The following TMEFF1 variants were observed in gnomAD, a reference collection of about 807,000 sequenced individuals.
TMEFF1 encodes the protein tomoregulin-1.
In TMEFF1, 20 loss-of-function variants were observed where a neutral mutation model predicts 47.5. That is an observed-to-expected ratio of 0.42 (90% confidence interval 0.30 to 0.61). The LOEUF (loss-of-function observed/expected upper bound fraction) is 0.61, where lower values mean the gene tolerates loss of function less well. Among genes scored for constraint, TMEFF1 ranks in the 20% least tolerant of loss-of-function variants. TMEFF1 has a pLI of 0.19. For missense variants in TMEFF1, 411 were observed against 471.1 expected (o/e 0.87, Z 1.18); for synonymous variants, 162 against 166.3 (o/e 0.97, Z 0.20).
chr9:100,570,384 GT>G (rs557554011), intron 8 of TMEFF1, among the ~76,000 whole-genome samples: 90 of 151,734 alleles, frequency 5.9e-4, no homozygotes, highest in African/African-American at 2.1e-3. Flanking sequence ...TGTATCTTAT[GT>G]TTTTTTTCTT....
chr9:100,554,251 G>A (rs1379636403), intron 7 of TMEFF1, among the ~76,000 whole-genome samples: 2 of 152,114 alleles, frequency 1.3e-5, no homozygotes, highest in South Asian at 2.1e-4. Context: ...TTTTAAAAAC[G>A]ATTTTGACAA....
At chr9:100,525,878 A>T (rs1465955084) in intron 5 of TMEFF1, among the ~76,000 whole-genome samples, 2 of 152,118 alleles carry the variant, frequency 1.3e-5, no homozygotes, top group Non-Finnish European at 2.9e-5. Flanking sequence ...TTATTATTAT[A>T]CCACTAGGAT....
intron 7 of TMEFF1, among the ~76,000 whole-genome samples, chr9:100,555,142 CT>C (rs1838892393): frequency 6.6e-6 from 1 of 151,060 alleles, no homozygotes. Context: ...ACCAAGTATA[CT>C]TTTTATATTG....
intron 1 of TMEFF1, among the ~76,000 whole-genome samples, chr9:100,483,725 C>G (rs2118253308): frequency 6.6e-6 from 1 of 152,114 alleles, no homozygotes; most frequent in Non-Finnish European, 1.5e-5. Flanking sequence ...TAAGATTTTA[C>G]CACATTTGCT....
At chr9:100,510,765 G>T (rs1019447050) in intron 3 of TMEFF1, among the ~76,000 whole-genome samples, 5 of 152,110 alleles carry the variant, frequency 3.3e-5, no homozygotes, top group Admixed American at 1.3e-4. Context: ...GTGAGCCATT[G>T]TACCCTGATA....
intron 5 of TMEFF1, among the ~76,000 whole-genome samples, chr9:100,535,317 C>T (rs10989145): frequency 0.044 from 6,666 of 152,210 alleles, 325 homozygotes; most frequent in South Asian, 0.22. Flanking sequence ...GCTTAGTGAA[C>T]GCTTTGTTTT....
intron 1 of TMEFF1, among the ~76,000 whole-genome samples, chr9:100,488,924 A>G (rs1056599016): frequency 1.3e-5 from 2 of 152,204 alleles, no homozygotes; most frequent in African/African-American, 4.8e-5. Flanking sequence ...GATAATTTTC[A>G]TAATGTAAAA....
At chr9:100,495,587 A>G (rs1837636663) in intron 1 of TMEFF1, among the ~76,000 whole-genome samples, 2 of 152,186 alleles carry the variant, frequency 1.3e-5, no homozygotes, top group Admixed American at 1.3e-4. Flanking sequence ...AATTCTTAGC[A>G]TAGTTTTAAG....
intron 3 of TMEFF1, among the ~76,000 whole-genome samples, chr9:100,512,074 TG>T (rs1837978949): frequency 2.0e-5 from 3 of 152,226 alleles, no homozygotes; most frequent in Admixed American, 2.0e-4. Flanking sequence ...CCATGGTGCC[TG>T]GCACATAATA....
chr9:100,497,456 A>G (rs1244716948), intron 1 of TMEFF1, among the ~76,000 whole-genome samples: 1 of 151,004 alleles, frequency 6.6e-6, no homozygotes, highest in Admixed American at 6.7e-5. Context: ...TAACCCACCT[A>G]GATGTGATCT....
chr9:100,510,649 A>T (rs985850549), intron 3 of TMEFF1, among the ~76,000 whole-genome samples: 17 of 150,364 alleles, frequency 1.1e-4, no homozygotes, highest in Non-Finnish European at 2.2e-4. Context: ...TTTTTTTTGT[A>T]TTTTTTGTAG....
At chr9:100,556,598 A>G (rs1032871726) in intron 7 of TMEFF1, among the ~76,000 whole-genome samples, 2 of 152,182 alleles carry the variant, frequency 1.3e-5, no homozygotes, top group African/African-American at 2.4e-5. Flanking sequence ...ATCTGATGGT[A>G]TTAGAATAAA....
At chr9:100,510,264 T>C (rs745876506) in intron 3 of TMEFF1, among the ~76,000 whole-genome samples, 1 of 152,136 alleles carries the variant, frequency 6.6e-6, no homozygotes, top group African/African-American at 2.4e-5. Context: ...ACAGCTGTTA[T>C]ATGCGTGGTT....
At chr9:100,569,729 T>C (rs1023307756) in intron 8 of TMEFF1, among the ~76,000 whole-genome samples, 34 of 152,178 alleles carry the variant, frequency 2.2e-4, no homozygotes, top group African/African-American at 7.7e-4. Context: ...GAAATATATA[T>C]ACATTGTGAA....
chr9:100,498,537 T>C (rs1044037757), intron 1 of TMEFF1, among the ~76,000 whole-genome samples: 26 of 152,150 alleles, frequency 1.7e-4, no homozygotes, highest in African/African-American at 6.3e-4. Flanking sequence ...TTGAGTTCTA[T>C]TTTGAGTTAC....
At chr9:100,477,783 C>T (rs1221860745) in intron 1 of TMEFF1, among the ~76,000 whole-genome samples, 8 of 152,042 alleles carry the variant, frequency 5.3e-5, no homozygotes, top group South Asian at 2.1e-4. Context: ...CACACCACCA[C>T]GCCCGGCTAA....
Position 100,487,967 on chromosome 9 carries a change from G to A in TMEFF1, c.197-10798G>A, listed in dbSNP as rs568967352. Among the ~76,000 whole-genome samples the A allele has an allele frequency of 1.3e-4, 20 of 152,198 alleles. No homozygotes were observed. In the East Asian group the frequency reaches 3.3e-3, roughly 25 times the overall value. On this transcript the variant is annotated intron_variant, in intron 1 of 9. Coordinates refer to ENST00000374879, the MANE Select transcript of TMEFF1 (RefSeq NM_003692.5). The stretch of plus-strand genomic sequence containing the variant: ...CAGGTTTTTCAGTGCCAGTATGCAA[G>A]TTGCTGTGTAGATTTTCATCTTTGT...
intron 5 of TMEFF1, among the ~76,000 whole-genome samples, chr9:100,523,597 T>C (rs1838206247): frequency 6.6e-6 from 1 of 152,240 alleles, no homozygotes; most frequent in African/African-American, 2.4e-5. Flanking sequence ...GCGTTGAATT[T>C]GTTGCAGGCT....
intron 2 of TMEFF1, among the ~76,000 whole-genome samples, chr9:100,505,833 TTGGAA>T (rs1837850734): frequency 6.6e-6 from 1 of 152,222 alleles, no homozygotes; most frequent in Non-Finnish European, 1.5e-5. Context: ...TGAAGTGGGA[TTGGAA>T]AGTTCATAGA....
Sources: allele counts gnomAD v4.1 joint callset (sites outside exome capture counted in the v4.1 genomes callset), GRCh38; gene constraint gnomAD v4.1.1; transcripts MANE v1.5; gene names NCBI Gene and HGNC (gene_info 2026-07-23, HGNC 2026-07-21).